MIF4GD: variants seen among roughly 807,000 people sequenced by gnomAD.
MIF4GD encodes MIF4G domain-containing protein.
Under a neutral mutation model 26.7 loss-of-function variants are expected in MIF4GD, and 22 were observed. That is an observed-to-expected ratio of 0.82 (90% CI 0.59 to 1.18). MIF4GD has a LOEUF of 1.18. Among genes scored for constraint, MIF4GD ranks in the 50% most tolerant of loss-of-function variants. The pLI is 0.00. For synonymous variants in MIF4GD, 137 were observed against 111.6 expected, an observed-to-expected ratio of 1.23 and a Z score of -1.43; for missense variants, 262 against 279.6, an observed-to-expected ratio of 0.94 and a Z score of 0.45.
chr17:75,266,391 C>G lies in MIF4GD; in HGVS notation c.*349G>C. The stretch of plus-strand genomic sequence containing the variant: ...TTCTGGTGTGACTTGTGCTCTGCCT[C>G]CACCCCTTGACATCCCAAAATATCC... On this transcript the variant is annotated 3_prime_UTR_variant, in exon 6 of 6. Coordinates refer to ENST00000325102, the MANE Select transcript of MIF4GD (RefSeq NM_001370592.1). The G allele has an allele frequency of 2.5e-6, 1 of 405,942 alleles. No homozygotes were observed. Among genetic ancestry groups the G allele is most frequent in the Non-Finnish European group, 4.6e-6 (1 of 216,216 alleles). The allele number at this position is 405,942 out of a possible 1,614,324, so 25.1% of individuals were successfully genotyped here.
rs2077491673 is a variant in MIF4GD, at chr17:75,266,614, T to A, written c.*126A>T. On this transcript the variant is annotated 3_prime_UTR_variant, in exon 6 of 6. Coordinates refer to ENST00000325102, the MANE Select transcript of MIF4GD (RefSeq NM_001370592.1). ...AACATCTCACCAGGAGATGGGAAAG[T>A]CTAGAAGGGAAGACACTCAAAGTCT... The A allele has an allele frequency of 2.3e-6, 2 of 866,984 alleles. No homozygotes were observed. Among genetic ancestry groups the A allele is most frequent in the Non-Finnish European group, 3.7e-6 (2 of 537,354 alleles). 53.7% of individuals were successfully genotyped at this position (866,984 alleles called of 1,614,324 possible). A position where few individuals can be genotyped will look rare whatever the true frequency, so the allele number is the denominator to read the frequency against.
rs116704702 is a variant in MIF4GD at position 75,268,276 on chromosome 17, A to C, written c.83-84T>G. ...CCGCTTCTAAGAATTTGAGATATTTACAGTAGAGCACTCATATGCTTGAAG... is the reference window on the plus strand; with the variant it reads ...CCGCTTCTAAGAATTTGAGATATTTCCAGTAGAGCACTCATATGCTTGAAG... On this transcript the variant is annotated intron_variant, in intron 2 of 5. Transcript: ENST00000325102. The C allele has an allele frequency of 4.4e-4, 437 of 997,512 alleles. 4 individuals carry two copies. The African/African-American group carries it at 6.4e-3, about 15-fold the overall frequency. 61.8% of individuals were successfully genotyped at this position (997,512 alleles called of 1,614,324 possible).
chr17:75,266,801 G>T lies in MIF4GD; in HGVS notation c.608C>A (p.Ala203Glu), dbSNP rs1453834909. 1.1e-5 allele frequency: 18 copies of T among 1,614,068 alleles called. No homozygotes were observed. The highest frequency in any genetic ancestry group is 1.5e-5 in the Non-Finnish European group (18 of 1,180,048). The change falls in exon 6 of 6, where the codon GCG (alanine) becomes GAG (glutamate). Residue 203 changes from alanine (A) to glutamate (E), a missense_variant. Ala to Glu is a moderately radical substitution (Grantham distance 107). Coordinates refer to ENST00000325102, the MANE Select transcript of MIF4GD (RefSeq NM_001370592.1). The stretch of plus-strand genomic sequence containing the variant: ...AGCTGGCGTTGTCTTCCAGCCGGCC[G>T]CCCGGAACTCAATGATCTCCAGCAG... ...LLLLEIIEFR[A>E]AGWKTTPAAH... is the part of the protein sequence containing the mutation.
Position 75,268,188 on chromosome 17 carries a change from C to T in MIF4GD, c.87G>A (p.Pro29=), listed in dbSNP as rs772335310. The change falls in exon 3 of 6, where the codon CCG becomes CCA. Residue 29 remains proline, a synonymous_variant. Coordinates refer to ENST00000325102, the MANE Select transcript of MIF4GD (RefSeq NM_001370592.1). ...QQLLKTALKD[P]GAVDLEKVAN... ...CCACTTTCTCCAAGTCCACAGCACC[C>T]GGATCTAGGGGTAGAGATAGGAGGG... 8 of 1,613,558 alleles carry T rather than the reference C, an allele frequency of 5.0e-6. No individual in the cohort carries two copies. The highest frequency in any genetic ancestry group is 2.2e-5 in the South Asian group (2 of 91,066).
At position 75,270,433 on chromosome 17, in the gene MIF4GD, T is replaced by G. The variant is rs2077691789; in HGVS notation, c.-50-188A>C. 7.4e-5 allele frequency: 39 copies of G among 526,772 alleles called. No homozygotes were observed. The South Asian group carries it at 8.1e-4, about 11-fold the overall frequency. The allele number at this position is 526,772 out of a possible 1,614,324, so 32.6% of individuals were successfully genotyped here. A position where few individuals can be genotyped will look rare whatever the true frequency, so the allele number is the denominator to read the frequency against. Reference sequence around the variant, plus strand: ...GGGGACTGGGCATCAGCCAGGCACCTGCTGCTCAGTTTAGAAATCCCTCGC... The same window carrying G: ...GGGGACTGGGCATCAGCCAGGCACCGGCTGCTCAGTTTAGAAATCCCTCGC... On this transcript the variant is annotated intron_variant, in intron 1 of 5. Transcript: ENST00000325102. The surrounding 1 kb of genome is among the most constrained non-coding windows in gnomAD (Gnocchi z 5.7).
At chr17:75,267,044 G>T in intron 5 of MIF4GD, 77 bp from the exon 6 acceptor site, 1 of 1,322,364 alleles carries the variant, frequency 7.6e-7, no homozygotes, top group Non-Finnish European at 1.1e-6. Flanking sequence ...CAAGTGCCAG[G>T]TGCTGTGCTT....
At chr17:75,267,949 T>C (rs375297679) in intron 3 of MIF4GD, 48 bp from the exon 4 acceptor site, 1 of 1,601,042 alleles carries the variant, frequency 6.2e-7, no homozygotes, top group African/African-American at 1.3e-5. Context: ...GGTGCCCCTG[T>C]AACCCCACCC....
At position 75,268,174 on chromosome 17, in the gene MIF4GD, A is replaced by G. The variant is rs2077573577; in HGVS notation, c.101T>C (p.Leu34Ser). ...TALKDPGAVDLEKVANVIVDH... is the reference protein window; with the variant it reads ...TALKDPGAVDSEKVANVIVDH... ...CACAATCACATTGGCCACTTTCTCC[A>G]AGTCCACAGCACCCGGATCTAGGGG... Residue 34 changes from leucine to serine, a missense_variant, in exon 3 of 6, where the codon TTG becomes TCG. Transcript: ENST00000325102. The G allele has an allele frequency of 3.7e-6, 6 of 1,614,172 alleles. No individual in the cohort carries two copies. Among genetic ancestry groups the G allele is most frequent in the Non-Finnish European group, 2.5e-6 (3 of 1,179,986 alleles).
In MIF4GD at chr17:75,266,910, C is replaced by T. The variant is rs747109429; in HGVS notation, c.499G>A (p.Gly167Arg). The part of the protein sequence containing the change: ...RVGEQLEKMN[G>R]QRMDELFVLI... ...ACAAAGAGCTCATCCATGCGCTGCC[C>T]ATTCATTTTCTCCAGCTGCTCCCCA... The change falls in exon 6 of 6, where the codon GGG becomes AGG. Residue 167 changes from glycine (G) to arginine (R), a missense_variant. Physicochemically the swap from Gly to Arg is moderately radical, Grantham distance 125. Transcript: ENST00000325102. 1.2e-6 allele frequency: 2 copies of T among 1,614,150 alleles called. No homozygotes were observed. Among genetic ancestry groups the T allele is most frequent in the Non-Finnish European group, 1.7e-6 (2 of 1,180,034 alleles).
chr17:75,268,548 T>C (rs1434562531), intron 2 of MIF4GD, among the ~76,000 whole-genome samples: 1 of 151,204 alleles, frequency 6.6e-6, no homozygotes, highest in Non-Finnish European at 1.5e-5. Context: ...CGTCATCTCA[T>C]GTCATCCAAG....
At chr17:75,268,020 C>G in intron 3 of MIF4GD, 63 bp downstream of exon 3, 5 of 1,604,242 alleles carry the variant, frequency 3.1e-6, no homozygotes, top group Non-Finnish European at 4.3e-6. Context: ...GCAGGCCAGG[C>G]CTTCTGCCCA....
Position 75,267,931 on chromosome 17 carries a change from T to TG in MIF4GD, c.193-31dup, listed in dbSNP as rs750705474. On this transcript the variant is annotated intron_variant, in intron 3 of 5. Coordinates refer to ENST00000325102, the MANE Select transcript of MIF4GD (RefSeq NM_001370592.1). The stretch of plus-strand genomic sequence containing the variant: ...GAGCCAGGGAGAGGAAGGTGAAGGG[T>TG]GGGGGGCGGTGCCCCTGTAACCCCA... The TG allele has an allele frequency of 5.6e-5, 90 of 1,603,456 alleles. 2 individuals are homozygous for TG. The South Asian group carries it at 9.3e-4, about 17-fold the overall frequency.
At chr17:75,269,530 CT>C (rs1034902336) in intron 2 of MIF4GD, 71 of 799,988 alleles carry the variant, frequency 8.9e-5, no homozygotes, top group Admixed American at 1.1e-4. Context: ...GAGCCGTGTT[CT>C]TTTTTTTATG....
rs112577980 is a variant in MIF4GD, at chr17:75,267,908, G to A, written c.193-7C>T. 77 of 1,609,874 alleles carry A rather than the reference G, an allele frequency of 4.8e-5. 1 individual carries two copies. The African/African-American group carries it at 8.3e-4, about 17-fold the overall frequency. ...CTGCTTGTTTACTCTCTGCCTGTGA[G>A]CCAGGGAGAGGAAGGTGAAGGGTGG... On this transcript the variant is annotated splice_polypyrimidine_tract_variant and splice_region_variant and intron_variant, in intron 3 of 5. Coordinates refer to ENST00000325102, the MANE Select transcript of MIF4GD (RefSeq NM_001370592.1).
At chr17:75,269,983 C>G in intron 2 of MIF4GD, 131 bp downstream of exon 2, 1 of 740,596 alleles carries the variant, frequency 1.4e-6, no homozygotes, top group South Asian at 1.6e-5. Context: ...TCAAGAATTA[C>G]GTTGCCGACT....
chr17:75,267,185 C>T lies in MIF4GD; in HGVS notation c.442-218G>A, dbSNP rs375513777. On this transcript the variant is annotated intron_variant, in intron 5 of 5. Transcript: ENST00000325102. ...GGCCAGGCTCCACTCAAGCCTGTCTCCAAACCACTTCTTCATCCCACTCTC... is the reference window on the plus strand; with the variant it reads ...GGCCAGGCTCCACTCAAGCCTGTCTTCAAACCACTTCTTCATCCCACTCTC... Among the ~76,000 whole-genome samples the T allele has an allele frequency of 5.3e-5, 8 of 151,568 alleles. No individual in the cohort carries two copies. The South Asian group carries it at 1.3e-3, about 24-fold the overall frequency.
chr17:75,267,981 T>G, intron 3 of MIF4GD, 80 bp from the exon 4 acceptor site: 1 of 1,597,652 alleles, frequency 6.3e-7, no homozygotes, highest in South Asian at 1.1e-5. Flanking sequence ...CTCTCTCTCT[T>G]TGAGCTAGAC....
chr17:75,269,547 ACTTTT>A, intron 2 of MIF4GD: 109 of 765,926 alleles, frequency 1.4e-4, no homozygotes, highest in Non-Finnish European at 1.7e-4. Flanking sequence ...TTATGGTTAA[ACTTTT>A]TTTTTTTTTT....
At position 75,270,033 on chromosome 17, in the gene MIF4GD, C is replaced by T. The variant is rs887289978; in HGVS notation, c.82+81G>A. ...ATGAGGGGAGGGGTGGAGGCATTCACCAGGCTCAGCCTCTGGTGCTGCCCA... is the reference window on the plus strand; with the variant it reads ...ATGAGGGGAGGGGTGGAGGCATTCATCAGGCTCAGCCTCTGGTGCTGCCCA... On this transcript the variant is annotated intron_variant, in intron 2 of 5. Coordinates refer to ENST00000325102, the MANE Select transcript of MIF4GD (RefSeq NM_001370592.1). The surrounding 1 kb of genome is among the most constrained non-coding windows in gnomAD (Gnocchi z 5.7). The T allele has an allele frequency of 2.8e-5, 35 of 1,235,246 alleles. No individual in the cohort carries two copies. The highest frequency in any genetic ancestry group is 4.1e-5 in the Non-Finnish European group (35 of 846,692). 76.5% of individuals were successfully genotyped at this position (1,235,246 alleles called of 1,614,324 possible).
Sources: gnomAD v4.1 joint callset for allele counts (sites outside exome capture counted in the v4.1 genomes callset) on GRCh38, gnomAD v4.1.1 for gene constraint, Gnocchi (gnomAD v3.1) non-coding constraint, MANE v1.5 for transcripts, NCBI Gene and HGNC (gene_info 2026-07-23, HGNC 2026-07-21) for gene names.